DGKI: variants seen among roughly 807,000 people sequenced by gnomAD.
DGKI encodes DAG kinase iota.
A neutral mutation model predicts 147.5 loss-of-function variants in DGKI; 55 were observed. The ratio of observed to expected loss-of-function variants is 0.37; its 90% CI spans 0.30 to 0.47. DGKI has a LOEUF of 0.47. DGKI is among the 20% of genes least tolerant of loss of function. The pLI is 1.00. For missense variants in DGKI, 1,007 were observed against 1,323.8 expected (o/e 0.76, Z 3.71); for synonymous variants, 469 against 477.1 (o/e 0.98, Z 0.22).
intron 3 of DGKI, among the ~76,000 whole-genome samples, chr7:137,670,012 A>G (rs1234250814): frequency 1.3e-5 from 2 of 151,844 alleles, no homozygotes; most frequent in Non-Finnish European, 2.9e-5. Context: ...CATCCACTCA[A>G]AAAAAAAGTA....
intron 3 of DGKI, among the ~76,000 whole-genome samples, chr7:137,661,679 G>A (rs1008356429): frequency 2.6e-5 from 4 of 152,132 alleles, no homozygotes; most frequent in African/African-American, 4.8e-5. Context: ...AACTGCAAGA[G>A]AGGCCAGGAG....
intron 20 of DGKI, among the ~76,000 whole-genome samples, chr7:137,525,715 G>T (rs999179094): frequency 6.6e-6 from 1 of 152,174 alleles, no homozygotes. Flanking sequence ...CACATTGTCA[G>T]TGCTCAATAG....
chr7:137,592,719 C>G (rs1819659514), intron 12 of DGKI, among the ~76,000 whole-genome samples: 1 of 152,196 alleles, frequency 6.6e-6, no homozygotes, highest in Non-Finnish European at 1.5e-5. Flanking sequence ...AATGACCACA[C>G]AGTATTGGAT....
At chr7:137,744,115 T>C (rs1445047060) in intron 1 of DGKI, among the ~76,000 whole-genome samples, 3 of 151,992 alleles carry the variant, frequency 2.0e-5, no homozygotes, top group African/African-American at 7.2e-5. Context: ...ATTGGTTCTT[T>C]GAAAGGATAA....
chr7:137,611,814 A>G (rs555333371), intron 8 of DGKI, among the ~76,000 whole-genome samples: 1 of 152,324 alleles, frequency 6.6e-6, no homozygotes, highest in Non-Finnish European at 1.5e-5. Context: ...ATCATTGTTG[A>G]AATAATGAAC....
intron 1 of DGKI, chr7:137,722,707 G>T: frequency 6.3e-7 from 1 of 1,581,466 alleles, no homozygotes; most frequent in Non-Finnish European, 8.7e-7. Flanking sequence ...AGAGAAATAT[G>T]AGATTACGGA....
At chr7:137,661,587 C>T (rs1822435325) in intron 3 of DGKI, among the ~76,000 whole-genome samples, 1 of 152,148 alleles carries the variant, frequency 6.6e-6, no homozygotes. Flanking sequence ...CCCATGGTTT[C>T]TCTACCCCTT....
intron 1 of DGKI, among the ~76,000 whole-genome samples, chr7:137,776,745 T>C (rs1046856746): frequency 1.3e-5 from 2 of 152,100 alleles, no homozygotes; most frequent in Non-Finnish European, 2.9e-5. Flanking sequence ...AGCATGACAG[T>C]ATGAGAAAGC....
At chr7:137,564,648 G>A (rs1436187032) in intron 19 of DGKI, among the ~76,000 whole-genome samples, 1 of 152,092 alleles carries the variant, frequency 6.6e-6, no homozygotes, top group Non-Finnish European at 1.5e-5. Flanking sequence ...GGACATAATT[G>A]TCTGTTCCAG....
At chr7:137,779,870 GT>G (rs1796467790) in intron 1 of DGKI, among the ~76,000 whole-genome samples, 1 of 152,182 alleles carries the variant, frequency 6.6e-6, no homozygotes, top group African/African-American at 2.4e-5. Flanking sequence ...ATCAGTATAA[GT>G]TGTTTTTTAA....
intron 28 of DGKI, among the ~76,000 whole-genome samples, chr7:137,442,624 T>C (rs1361401560): frequency 6.6e-6 from 1 of 152,198 alleles, no homozygotes; most frequent in Non-Finnish European, 1.5e-5. Context: ...CATTAGGTGG[T>C]CAATTGCCTG....
intron 21 of DGKI, among the ~76,000 whole-genome samples, chr7:137,507,938 A>G (rs1816425043): frequency 6.6e-6 from 1 of 152,180 alleles, no homozygotes; most frequent in Admixed American, 6.5e-5. Context: ...AGTTTTTGAG[A>G]CAAAAGGAAA....
intron 1 of DGKI, among the ~76,000 whole-genome samples, chr7:137,699,825 A>G (rs1823916131): frequency 6.6e-6 from 1 of 152,140 alleles, no homozygotes; most frequent in Non-Finnish European, 1.5e-5. Context: ...TGTCACAACC[A>G]CAGTCTTGCA....
chr7:137,621,811 C>T (rs1254527373), intron 7 of DGKI, among the ~76,000 whole-genome samples: 1 of 152,184 alleles, frequency 6.6e-6, no homozygotes, highest in Non-Finnish European at 1.5e-5. Flanking sequence ...TCTGGATAGA[C>T]CATCGCACCA....
chr7:137,389,635 G>T lies in DGKI; in HGVS notation c.*1585C>A, dbSNP rs1394827478. The T allele has an allele frequency of 4.6e-5, 7 of 152,050 alleles. No individual in the cohort carries two copies. In the East Asian group the frequency reaches 9.7e-4, roughly 21 times the overall value. The allele number at this position is 152,050 out of a possible 1,614,324, so 9.4% of individuals were successfully genotyped here. ...TCCTTGGACACCTACTTTTATTTTT[G>T]ACTTACCCCCAAGTCAAGTAGATAT... On this transcript the variant is annotated 3_prime_UTR_variant, in exon 33 of 33. Coordinates refer to ENST00000614521, the MANE Select transcript of DGKI (RefSeq NM_001321708.2).
At chr7:137,793,232 A>T (rs987054984) in intron 1 of DGKI, among the ~76,000 whole-genome samples, 4 of 152,084 alleles carry the variant, frequency 2.6e-5, no homozygotes, top group Non-Finnish European at 5.9e-5. Flanking sequence ...AGATAACGAA[A>T]AAAAGCCCTA....
chr7:137,656,777 A>C (rs1213736394), intron 3 of DGKI, among the ~76,000 whole-genome samples: 1 of 152,188 alleles, frequency 6.6e-6, no homozygotes, highest in African/African-American at 2.4e-5. Context: ...GGTGGGCTAG[A>C]TTGTCTCTTC....
chr7:137,616,537 T>A (rs1162132238), intron 8 of DGKI, among the ~76,000 whole-genome samples: 1 of 152,124 alleles, frequency 6.6e-6, no homozygotes, highest in Non-Finnish European at 1.5e-5. Flanking sequence ...ATGCATTAAA[T>A]GATCCTGGGA....
intron 1 of DGKI, among the ~76,000 whole-genome samples, chr7:137,769,155 T>A (rs965100025): frequency 4.6e-5 from 7 of 152,202 alleles, no homozygotes; most frequent in Non-Finnish European, 1.5e-5. Context: ...TTGCTGCTTC[T>A]GCGACACCCA....
Sources: allele counts gnomAD v4.1 joint callset (sites outside exome capture counted in the v4.1 genomes callset), GRCh38; gene constraint gnomAD v4.1.1; transcripts MANE v1.5; gene names NCBI Gene and HGNC (gene_info 2026-07-23, HGNC 2026-07-21).